The following ADGRG3 variants were observed in gnomAD, a reference collection of about 807,000 sequenced individuals.
ADGRG3 encodes G protein-coupled receptor 97.
In ADGRG3, 39 loss-of-function variants were observed where a neutral mutation model predicts 54.3. That is an observed-to-expected ratio of 0.72 (90% CI 0.56 to 0.94). ADGRG3 has a LOEUF of 0.94. Ranked by LOEUF, ADGRG3 falls within the 40% of genes least tolerant of loss-of-function variation. ADGRG3 has a pLI of 0.00. For synonymous variants in ADGRG3, 312 were observed against 290.0 expected, an observed-to-expected ratio of 1.08 and a Z score of -0.77; for missense variants, 654 against 694.6, an observed-to-expected ratio of 0.94 and a Z score of 0.66.
chr16:57,668,497 A>G, intron 1 of ADGRG3, 92 bp downstream of exon 1: 1 of 1,234,876 alleles, frequency 8.1e-7, no homozygotes, highest in Non-Finnish European at 1.1e-6. Flanking sequence ...GGGACTGGAG[A>G]AGGTGAGGAG....
chr16:57,666,207 TC>T (rs2048054093), upstream of ADGRG3, among the ~76,000 whole-genome samples: 1 of 151,708 alleles, frequency 6.6e-6, no homozygotes, highest in South Asian at 2.1e-4. Context: ...TTGAGGCAAC[TC>T]CCCCCATCTT....
upstream of ADGRG3, among the ~76,000 whole-genome samples, chr16:57,665,957 C>T (rs1295057466): frequency 1.3e-5 from 2 of 151,656 alleles, no homozygotes; most frequent in Non-Finnish European, 2.9e-5. Flanking sequence ...CCCAGCCCTC[C>T]CTCCACCCCC....
chr16:57,667,993 C>T (rs1013204931), upstream of ADGRG3, among the ~76,000 whole-genome samples: 8 of 152,234 alleles, frequency 5.3e-5, no homozygotes, highest in East Asian at 7.7e-4. Flanking sequence ...GACTCCAAAG[C>T]CTGTGCTCAC....
intron 8 of ADGRG3, chr16:57,682,342 C>G (rs8063283): frequency 3.3e-6 from 1 of 300,160 alleles, no homozygotes; most frequent in South Asian, 1.3e-4. Context: ...CTCCTGCCCC[C>G]GCATCCAGGG....
chr16:57,667,395 G>A (rs935291031), upstream of ADGRG3, among the ~76,000 whole-genome samples: 33 of 152,258 alleles, frequency 2.2e-4, no homozygotes, highest in African/African-American at 8.0e-4. Flanking sequence ...GAGTTGGCCC[G>A]AGTGGCTGGC....
chr16:57,673,478 C>A lies in ADGRG3; in HGVS notation c.206+10C>A, dbSNP rs1341261101. 1.3e-6 allele frequency: 2 copies of A among 1,589,366 alleles called. No homozygotes were observed. Among genetic ancestry groups the A allele is most frequent in the African/African-American group, 1.3e-5 (1 of 74,420 alleles). ...TGGAAAACTTGCAGAGGTGAGGGGG[C>A]CCCCTGAGCTGGAGGGGGAATCTGA... is the stretch of plus-strand genomic sequence containing the variant. On this transcript the variant is annotated intron_variant, in intron 2 of 11. Transcript: ENST00000333493.
intron 10 of ADGRG3, among the ~76,000 whole-genome samples, chr16:57,685,240 G>T (rs912707104): frequency 6.6e-5 from 10 of 152,212 alleles, no homozygotes; most frequent in Admixed American, 2.0e-4. Context: ...AGTGGGCCAG[G>T]TGGGGACTGC....
At chr16:57,669,980 A>G (rs2048124814) in intron 1 of ADGRG3, among the ~76,000 whole-genome samples, 1 of 152,158 alleles carries the variant, frequency 6.6e-6, no homozygotes, top group Admixed American at 6.5e-5. Context: ...CGTGAGGTCT[A>G]AAGGGGCCAG....
In ADGRG3 at chr16:57,668,352, C is replaced by T. The variant is rs775269454; in HGVS notation, c.5C>T (p.Ala2Val). The change falls in exon 1 of 12, where the codon GCG becomes GTG. Residue 2 changes from alanine to valine, a missense_variant. Ala to Val is a moderately conservative substitution (Grantham distance 64). Transcript: ENST00000333493. ...CGTGGGCAAGGCTGGCCAAGGATGGCGACGCCCAGGGGCCTGGGGGCCCTG... is the reference window on the plus strand; with the variant it reads ...CGTGGGCAAGGCTGGCCAAGGATGGTGACGCCCAGGGGCCTGGGGGCCCTG... Reference protein sequence around the residue: MATPRGLGALLL... With the variant: MVTPRGLGALLL... The T allele has an allele frequency of 4.6e-5, 72 of 1,571,240 alleles. No homozygotes were observed. The highest frequency in any genetic ancestry group is 2.5e-4 in the African/African-American group (19 of 74,666).
chr16:57,669,970 C>T (rs1346953199), intron 1 of ADGRG3, among the ~76,000 whole-genome samples: 4 of 152,140 alleles, frequency 2.6e-5, no homozygotes, highest in Non-Finnish European at 4.4e-5. Flanking sequence ...CCTTCAGCAC[C>T]GTGAGGTCTA....
intron 2 of ADGRG3, among the ~76,000 whole-genome samples, chr16:57,674,135 T>G (rs562936891): frequency 2.0e-5 from 3 of 152,106 alleles, no homozygotes; most frequent in Admixed American, 2.0e-4. Flanking sequence ...TTGCTCAGGC[T>G]TCAGGGACCG....
chr16:57,679,847 T>TGG lies in ADGRG3; in HGVS notation c.660_661insGG (p.Thr221GlyfsTer30), dbSNP rs774894536. On this transcript the variant is annotated frameshift_variant, in exon 6 of 12. Coordinates refer to ENST00000333493, the MANE Select transcript of ADGRG3 (RefSeq NM_170776.5). LOFTEE classifies it high-confidence loss of function. ...ACCCTCACCTGTGTATTCTGGGATG[T>TGG]GACTAAAGGTAGGGCCCGGAGGACC... 6.2e-7 allele frequency: 1 copy of TGG among 1,612,168 alleles called. No homozygotes were observed. Among genetic ancestry groups the TGG allele is most frequent in the South Asian group, 1.1e-5 (1 of 91,038 alleles).
chr16:57,670,709 C>G (rs1324343564), intron 1 of ADGRG3, among the ~76,000 whole-genome samples: 1 of 152,178 alleles, frequency 6.6e-6, no homozygotes, highest in African/African-American at 2.4e-5. Flanking sequence ...TATAAACTAT[C>G]TAAAACGAAT....
At position 57,688,954 on chromosome 16, in the gene ADGRG3, C is replaced by T. The variant is rs12927110; in HGVS notation, c.*493C>T. 0.17 allele frequency: 26,425 copies of T among 159,884 alleles called. 2,975 individuals are homozygous for T. The highest frequency in any genetic ancestry group is 0.22 in the Non-Finnish European group (15,932 of 71,870). The allele number at this position is 159,884 out of a possible 1,614,324, so 9.9% of individuals were successfully genotyped here. A position where few individuals can be genotyped will look rare whatever the true frequency, so the allele number is the denominator to read the frequency against. On this transcript the variant is annotated 3_prime_UTR_variant, in exon 12 of 12. Coordinates refer to ENST00000333493, the MANE Select transcript of ADGRG3 (RefSeq NM_170776.5). ...TTGTTTTGGGGGGTGGGAGTTGATC[C>T]TCCCACCCAGTCTGCCCCTGGTCTC...
intron 8 of ADGRG3, among the ~76,000 whole-genome samples, chr16:57,682,194 G>T (rs2048386427): frequency 1.3e-5 from 2 of 152,218 alleles, no homozygotes; most frequent in African/African-American, 4.8e-5. Flanking sequence ...GAGCACTGCA[G>T]CCTGGGCCCA....
intron 1 of ADGRG3, among the ~76,000 whole-genome samples, chr16:57,669,284 T>C (rs1392678675): frequency 6.6e-6 from 1 of 152,232 alleles, no homozygotes; most frequent in Non-Finnish European, 1.5e-5. Context: ...GATCAACTTA[T>C]TTGGTCTTCA....
chr16:57,678,063 G>A (rs1433217652), intron 3 of ADGRG3, 107 bp from the exon 4 acceptor site: 1 of 1,391,992 alleles, frequency 7.2e-7, no homozygotes, highest in African/African-American at 1.4e-5. Flanking sequence ...CAGTCCCCAG[G>A]TGCTGCCCCC....
At position 57,679,861 on chromosome 16, in the gene ADGRG3, G is replaced by A. The variant is rs759133657; in HGVS notation, c.667+6G>A. On this transcript the variant is annotated splice_donor_region_variant and intron_variant, in intron 6 of 11. Transcript: ENST00000333493. ...ATTCTGGGATGTGACTAAAGGTAGGGCCCGGAGGACCTTCTCTGGGGTAAG... is the reference window on the plus strand; with the variant it reads ...ATTCTGGGATGTGACTAAAGGTAGGACCCGGAGGACCTTCTCTGGGGTAAG... 5.0e-6 allele frequency: 8 copies of A among 1,609,374 alleles called. No homozygotes were observed. In the African/African-American group the frequency reaches 5.3e-5, roughly 11 times the overall value.
At chr16:57,669,494 C>A (rs2048114237) in intron 1 of ADGRG3, among the ~76,000 whole-genome samples, 1 of 152,218 alleles carries the variant, frequency 6.6e-6, no homozygotes. Context: ...TGGGCGTCCT[C>A]AGGTCCCAGC....
Sources: allele counts gnomAD v4.1 joint callset (sites outside exome capture counted in the v4.1 genomes callset), GRCh38; gene constraint gnomAD v4.1.1; transcripts MANE v1.5; gene names NCBI Gene and HGNC (gene_info 2026-07-23, HGNC 2026-07-21).